CTXND2: variants seen among roughly 807,000 people sequenced by gnomAD.
CTXND2 encodes the protein cortexin domain containing 2.
At chr1:150,903,754 C>T (rs1172245708) in intron 1 of CTXND2, 29 of 341,030 alleles carry the variant, frequency 8.5e-5, no homozygotes, top group South Asian at 5.5e-4. Context: ...GCAGAGATTG[C>T]GCCATTTTTG....
intron 1 of CTXND2, among the ~76,000 whole-genome samples, chr1:150,899,097 CAAATAAATAAATAAAT>C (rs71090107): frequency 8.3e-6 from 1 of 119,868 alleles, no homozygotes; most frequent in South Asian, 3.0e-4. Context: ...GACTCCGTCT[CAAATAAATAAATAAAT>C]AAATAAATAA....
At chr1:150,911,713 G>T (rs781239704) in intron 1 of CTXND2, among the ~76,000 whole-genome samples, 1 of 152,170 alleles carries the variant, frequency 6.6e-6, no homozygotes, top group Non-Finnish European at 1.5e-5. Context: ...GATTACAGGC[G>T]TGAGCCACCA....
chr1:150,898,327 C>T (rs1668937657), intron 1 of CTXND2, among the ~76,000 whole-genome samples: 1 of 152,136 alleles, frequency 6.6e-6, no homozygotes, highest in Non-Finnish European at 1.5e-5. Context: ...TTACCTCTAG[C>T]CACATTCTGT....
rs190945939 is a variant in CTXND2 at position 150,893,873 on chromosome 1, A to C, written c.-74+6560A>C. ...AAGGTCATCACCAAGGTCTGATTGCAAAAATTCAAAAAATTGCACCCTCAG... is the reference window on the plus strand; with the variant it reads ...AAGGTCATCACCAAGGTCTGATTGCCAAAATTCAAAAAATTGCACCCTCAG... On this transcript the variant is annotated intron_variant, in intron 1 of 1. Transcript: ENST00000636087. 5.9e-5 allele frequency among the ~76,000 whole-genome samples: 9 copies of C among 152,300 alleles called. No homozygotes were observed. The East Asian group carries it at 1.5e-3, about 26-fold the overall frequency.
intron 1 of CTXND2, among the ~76,000 whole-genome samples, chr1:150,894,985 C>G (rs587634257): frequency 6.6e-6 from 1 of 151,880 alleles, no homozygotes. Flanking sequence ...GAGCCGAGAT[C>G]GCACCACTGC....
At chr1:150,906,553 T>G (rs1303099741) in intron 1 of CTXND2, among the ~76,000 whole-genome samples, 1 of 152,166 alleles carries the variant, frequency 6.6e-6, no homozygotes, top group African/African-American at 2.4e-5. Flanking sequence ...ACCACTCTGG[T>G]CAGGTTGGAG....
chr1:150,898,830 C>A (rs1196861700), intron 1 of CTXND2, among the ~76,000 whole-genome samples: 1 of 147,008 alleles, frequency 6.8e-6, no homozygotes, highest in Non-Finnish European at 1.5e-5. Flanking sequence ...GCAATCCCAA[C>A]ACTCTGGGAA....
intron 1 of CTXND2, among the ~76,000 whole-genome samples, chr1:150,908,803 A>T (rs963271011): frequency 3.3e-5 from 5 of 150,850 alleles, no homozygotes; most frequent in Non-Finnish European, 5.9e-5. Flanking sequence ...AAAAAAAAAA[A>T]TTAAGAAACA....
At chr1:150,907,060 T>C (rs1227699557) in intron 1 of CTXND2, among the ~76,000 whole-genome samples, 1 of 152,188 alleles carries the variant, frequency 6.6e-6, no homozygotes, top group Non-Finnish European at 1.5e-5. Context: ...CCTTCCTTTC[T>C]TCCTGATCCT....
At chr1:150,889,724 G>C (rs1399968740) in intron 1 of CTXND2, among the ~76,000 whole-genome samples, 1 of 152,012 alleles carries the variant, frequency 6.6e-6, no homozygotes, top group Non-Finnish European at 1.5e-5. Context: ...CTGAAGTATG[G>C]CTTTGATCAT....
At chr1:150,905,975 G>A (rs1267875895) in intron 1 of CTXND2, among the ~76,000 whole-genome samples, 1 of 150,858 alleles carries the variant, frequency 6.6e-6, no homozygotes, top group African/African-American at 2.4e-5. Context: ...GGGCGACAGA[G>A]CGAGACTCCA....
At position 150,902,592 on chromosome 1, in the gene CTXND2, T is replaced by TG. The variant is rs201558511; in HGVS notation, c.-73-9647dup. ...ATCACCTATAGGAGGTAGGTAGGAA[T>TG]GGGTGGCAAGGATGAGATGTGGGTG... On this transcript the variant is annotated intron_variant, in intron 1 of 1. Coordinates refer to ENST00000636087, the Ensembl canonical transcript of CTXND2. 8.5e-3 allele frequency among the ~76,000 whole-genome samples: 1,286 copies of TG among 151,992 alleles called. 7 individuals are homozygous for TG. Among genetic ancestry groups the TG allele is most frequent in the Non-Finnish European group, 0.012 (812 of 67,980 alleles).
At chr1:150,892,525 CTTCTTTTTTT>C (rs1374171689) in intron 1 of CTXND2, among the ~76,000 whole-genome samples, 8 of 112,182 alleles carry the variant, frequency 7.1e-5, no homozygotes, top group Non-Finnish European at 1.4e-4. Flanking sequence ...TATTCTTCTT[CTTCTTTTTTT>C]TTTTTTTTTT....
chr1:150,892,068 A>C (rs1438006539), intron 1 of CTXND2, among the ~76,000 whole-genome samples: 1 of 152,228 alleles, frequency 6.6e-6, no homozygotes, highest in Non-Finnish European at 1.5e-5. Flanking sequence ...CTTGAAATGC[A>C]CTAATTGAGA....
At chr1:150,895,756 A>C (rs751451113) in intron 1 of CTXND2, among the ~76,000 whole-genome samples, 3 of 152,236 alleles carry the variant, frequency 2.0e-5, no homozygotes, top group Non-Finnish European at 4.4e-5. Flanking sequence ...GTGTTAGTGC[A>C]TGACTCAGCC....
Position 150,891,202 on chromosome 1 carries a change from C to G in CTXND2, c.-74+3889C>G, listed in dbSNP as rs587598482. Reference sequence around the variant, plus strand: ...ACACATTCCTGCCTATCTGATATTTCTTTTCTTTCTTTTTTTTTTTCTTTT... The same window carrying G: ...ACACATTCCTGCCTATCTGATATTTGTTTTCTTTCTTTTTTTTTTTCTTTT... On this transcript the variant is annotated intron_variant, in intron 1 of 1. Coordinates refer to ENST00000636087, the Ensembl canonical transcript of CTXND2. 1.3e-3 allele frequency among the ~76,000 whole-genome samples: 183 copies of G among 140,464 alleles called. 1 individual carries two copies. The highest frequency in any genetic ancestry group is 4.5e-3 in the African/African-American group (179 of 39,384). 92.1% of individuals were successfully genotyped at this position (140,464 alleles called of 152,430 possible). A position where few individuals can be genotyped will look rare whatever the true frequency, so the allele number is the denominator to read the frequency against.
At chr1:150,911,341 T>C (rs918832347) in intron 1 of CTXND2, among the ~76,000 whole-genome samples, 1 of 152,130 alleles carries the variant, frequency 6.6e-6, no homozygotes, top group African/African-American at 2.4e-5. Context: ...GTTTTTGAAA[T>C]TGGGAAGTAT....
At chr1:150,900,378 G>A (rs866263985) in intron 1 of CTXND2, among the ~76,000 whole-genome samples, 26 of 152,076 alleles carry the variant, frequency 1.7e-4, no homozygotes, top group African/African-American at 6.0e-4. Flanking sequence ...AAGTCCAGAC[G>A]CATCTGAACA....
intron 1 of CTXND2, among the ~76,000 whole-genome samples, chr1:150,898,716 AC>A (rs1668945832): frequency 6.7e-6 from 1 of 148,898 alleles, no homozygotes; most frequent in Non-Finnish European, 1.5e-5. Context: ...AGATCGTGCC[AC>A]TGCACTTCAG....
Sources: gnomAD v4.1 joint callset for allele counts (sites outside exome capture counted in the v4.1 genomes callset) on GRCh38, gnomAD v4.1.1 for gene constraint, MANE v1.5 for transcripts, NCBI Gene and HGNC (gene_info 2026-07-23, HGNC 2026-07-21) for gene names.